Variants in TLN2 observed in about 807,000 individuals in gnomAD.
The protein encoded by TLN2 is talin-2.
A neutral mutation model predicts 294.7 loss-of-function variants in TLN2; 118 were observed. The observed-to-expected ratio is 0.40, with a 90% CI of 0.34 to 0.47. TLN2 has a LOEUF of 0.47. TLN2 is among the 20% of genes least tolerant of loss of function. The pLI is 0.84. For synonymous variants in TLN2, 1,431 were observed against 1,304.5 expected (o/e 1.10, Z -2.09); for missense variants, 3,083 against 3,282.2 (o/e 0.94, Z 1.48).
chr15:62,618,829 T>A (rs1172667767), intron 3 of TLN2, among the ~76,000 whole-genome samples: 1 of 152,246 alleles, frequency 6.6e-6, no homozygotes, highest in South Asian at 2.1e-4. Context: ...AAACCTTTTC[T>A]GGCTTTAAGT....
intron 22 of TLN2, among the ~76,000 whole-genome samples, chr15:62,715,090 A>G (rs897880234): frequency 6.6e-6 from 1 of 152,236 alleles, no homozygotes; most frequent in Non-Finnish European, 1.5e-5. Context: ...TTTCATTGCT[A>G]GATTATGAGA....
In TLN2 at chr15:62,762,358, G is replaced by A; in HGVS notation, c.4866G>A (p.Leu1622=). Reference sequence around the variant, plus strand: ...ACCTCATTCGCACTGCACGCTCTCTGGCCATCAACCCCAAAGACCCACCCA... The same window carrying A: ...ACCTCATTCGCACTGCACGCTCTCTAGCCATCAACCCCAAAGACCCACCCA... The part of the protein sequence containing the change: ...SSYLIRTARS[L]AINPKDPPTW... Residue 1622 remains leucine, a synonymous_variant, in exon 39 of 59, where the codon CTG becomes CTA. Transcript: ENST00000636159. The A allele has an allele frequency of 1.9e-6, 3 of 1,614,116 alleles. No individual in the cohort carries two copies. Among genetic ancestry groups the A allele is most frequent in the Non-Finnish European group, 2.5e-6 (3 of 1,180,032 alleles).
intron 52 of TLN2, among the ~76,000 whole-genome samples, chr15:62,815,173 TCTGTCACA>T (rs1362406553): frequency 9.0e-5 from 12 of 133,920 alleles, no homozygotes; most frequent in African/African-American, 3.3e-4. Context: ...TTTTATTCTG[TCTGTCACA>T]CACACACACA....
chr15:62,465,616 G>A (rs951488580), intron 1 of TLN2, among the ~76,000 whole-genome samples: 15 of 152,280 alleles, frequency 9.9e-5, no homozygotes, highest in Middle Eastern at 6.8e-3. Context: ...GAAGGTTTTG[G>A]GAATGGCAAG....
intron 9 of TLN2, among the ~76,000 whole-genome samples, chr15:62,667,059 G>A (rs537217624): frequency 1.6e-3 from 244 of 152,162 alleles, no homozygotes; most frequent in African/African-American, 5.4e-3. Flanking sequence ...TCCGCCTCCC[G>A]GATTCAGGCC....
intron 55 of TLN2, chr15:62,834,724 C>A (rs1356243410): frequency 6.6e-6 from 1 of 152,166 alleles, no homozygotes; most frequent in Non-Finnish European, 1.5e-5. Context: ...GTCCTGTACT[C>A]AGCAAGTTCT....
At position 62,717,492 on chromosome 15, in the gene TLN2, C is replaced by T. The variant is rs112109867; in HGVS notation, c.2764-84C>T. 10 of 942,862 alleles carry T rather than the reference C, an allele frequency of 1.1e-5. No individual in the cohort carries two copies. The African/African-American group carries it at 1.5e-4, about 14-fold the overall frequency. The allele number at this position is 942,862 out of a possible 1,614,324, so 58.4% of individuals were successfully genotyped here. ...AGTTCTTTTAGAGCCACAAACCTGT[C>T]CTGACTCTGTGGTGGAAGTGACCTG... On this transcript the variant is annotated intron_variant, in intron 23 of 58. Transcript: ENST00000636159.
intron 1 of TLN2, among the ~76,000 whole-genome samples, chr15:62,562,493 G>A (rs1306477035): frequency 6.6e-6 from 1 of 151,878 alleles, no homozygotes; most frequent in Admixed American, 6.6e-5. Flanking sequence ...CTCCCTCTTG[G>A]CTCTGCCCCT....
chr15:62,589,171 T>C (rs545487809), intron 1 of TLN2, among the ~76,000 whole-genome samples: 19 of 152,154 alleles, frequency 1.2e-4, no homozygotes, highest in Non-Finnish European at 2.4e-4. Flanking sequence ...AGTGCTTCTC[T>C]GCTTCAAATT....
At chr15:62,601,524 G>A (rs1465177920) in intron 2 of TLN2, among the ~76,000 whole-genome samples, 1 of 152,136 alleles carries the variant, frequency 6.6e-6, no homozygotes, top group Non-Finnish European at 1.5e-5. Flanking sequence ...ATACACGTAG[G>A]CAGGCTACAT....
intron 1 of TLN2, among the ~76,000 whole-genome samples, chr15:62,412,129 C>T (rs1419196068): frequency 6.6e-6 from 1 of 152,190 alleles, no homozygotes. Context: ...ATTTCAGCAT[C>T]ACCTGGAAAC....
At chr15:62,761,567 G>A (rs2141021266) in intron 37 of TLN2, 114 bp from the exon 38 acceptor site, 1 of 1,450,016 alleles carries the variant, frequency 6.9e-7, no homozygotes, top group East Asian at 2.3e-5. Flanking sequence ...GAAGTCACCA[G>A]AGATTTTCAG....
intron 1 of TLN2, among the ~76,000 whole-genome samples, chr15:62,403,852 C>T (rs902070630): frequency 6.6e-6 from 1 of 152,164 alleles, no homozygotes; most frequent in African/African-American, 2.4e-5. Flanking sequence ...CAAGCTTCTT[C>T]CTTATTTTTC....
At chr15:62,585,907 G>A (rs1006684812) in intron 1 of TLN2, among the ~76,000 whole-genome samples, 7 of 152,304 alleles carry the variant, frequency 4.6e-5, no homozygotes, top group African/African-American at 1.7e-4. Context: ...CACCCCCTGA[G>A]CTGGAGCGCA....
chr15:62,826,825 C>T (rs1158320073), intron 54 of TLN2, among the ~76,000 whole-genome samples: 1 of 152,188 alleles, frequency 6.6e-6, no homozygotes, highest in Non-Finnish European at 1.5e-5. Flanking sequence ...TTTTTTCCCT[C>T]AAGGACATTT....
Position 62,766,472 on chromosome 15 carries a change from G to A in TLN2, c.5196+50G>A, listed in dbSNP as rs112251781. On this transcript the variant is annotated intron_variant, in intron 41 of 58. Coordinates refer to ENST00000636159, the MANE Select transcript of TLN2 (RefSeq NM_015059.3). ...CGAGGGTGTGCGTGTTATCACAGGA[G>A]AGAGGGTTTTATTGACTTTACTGTT... The A allele has an allele frequency of 5.5e-5, 85 of 1,538,152 alleles. No individual in the cohort carries two copies. The African/African-American group carries it at 9.9e-4, about 18-fold the overall frequency.
chr15:62,542,146 C>A (rs916574424), intron 1 of TLN2, among the ~76,000 whole-genome samples: 1 of 152,064 alleles, frequency 6.6e-6, no homozygotes, highest in African/African-American at 2.4e-5. Flanking sequence ...AAATCACATG[C>A]TTAATTCAGT....
chr15:62,805,555 C>A (rs568697210), intron 50 of TLN2, 45 bp from the exon 51 acceptor site: 95 of 1,523,526 alleles, frequency 6.2e-5, no homozygotes, highest in Non-Finnish European at 7.9e-5. Flanking sequence ...TTATTTTTTT[C>A]GTTTCCTTTT....
At position 62,484,854 on chromosome 15, in the gene TLN2, T is replaced by C. The variant is rs563769432; in HGVS notation, c.-238+94169T>C. On this transcript the variant is annotated intron_variant, in intron 1 of 58. Coordinates refer to ENST00000636159, the MANE Select transcript of TLN2 (RefSeq NM_015059.3). ...TCTGGTGATGGAGTAGGGTCTGCTT[T>C]AGTTTTTCATTGCTGCTGCAACAAA... 3.3e-5 allele frequency among the ~76,000 whole-genome samples: 5 copies of C among 152,358 alleles called. 1 individual carries two copies. In the South Asian group the frequency reaches 1.0e-3, roughly 32 times the overall value.
Sources: gnomAD v4.1 joint callset for allele counts (sites outside exome capture counted in the v4.1 genomes callset) on GRCh38, gnomAD v4.1.1 for gene constraint, MANE v1.5 for transcripts, NCBI Gene and HGNC (gene_info 2026-07-23, HGNC 2026-07-21) for gene names.